LMX1A: variants seen among roughly 807,000 people sequenced by gnomAD.
LMX1A encodes the protein LIM homeobox transcription factor 1-alpha.
Under a neutral mutation model 49.1 loss-of-function variants are expected in LMX1A, and 15 were observed. The observed-to-expected ratio is 0.31, with a 90% CI of 0.20 to 0.47. The LOEUF (loss-of-function observed/expected upper bound fraction) is 0.47. Ranked by LOEUF, LMX1A falls within the 20% of genes least tolerant of loss-of-function variation. LMX1A has a pLI of 1.00. For synonymous variants in LMX1A, 167 were observed against 185.7 expected (o/e 0.90, Z 0.82); for missense variants, 372 against 475.8 (o/e 0.78, Z 2.03).
Position 165,203,738 on chromosome 1 carries a change from A to AT in LMX1A, c.*141dup. The AT allele has an allele frequency of 1.5e-6, 1 of 648,074 alleles. No homozygotes were observed. The highest frequency in any genetic ancestry group is 2.8e-6 in the Non-Finnish European group (1 of 362,448). The allele number at this position is 648,074 out of a possible 1,614,324, so 40.1% of individuals were successfully genotyped here. On this transcript the variant is annotated 3_prime_UTR_variant, in exon 9 of 9. Transcript: ENST00000342310. ...GTCTTTGGAAATGCTGAGCTACACC[A>AT]TATCATTATACAACAGCATCCCCAA...
At chr1:165,350,892 C>T (rs74655066) in intron 3 of LMX1A, among the ~76,000 whole-genome samples, 3 of 152,324 alleles carry the variant, frequency 2.0e-5, no homozygotes, top group Non-Finnish European at 4.4e-5. Flanking sequence ...TAGCTCACAT[C>T]CCTCTGTAAA....
chr1:165,229,735 T>TTTGTTG (rs199697925), intron 4 of LMX1A, among the ~76,000 whole-genome samples: 1 of 152,152 alleles, frequency 6.6e-6, no homozygotes, highest in Non-Finnish European at 1.5e-5. Context: ...TTTTTTGTTT[T>TTTGTTG]TTGTTGTTGT....
chr1:165,329,890 A>G (rs753446203), intron 3 of LMX1A, among the ~76,000 whole-genome samples: 1 of 152,226 alleles, frequency 6.6e-6, no homozygotes, highest in Non-Finnish European at 1.5e-5. Context: ...GAGTATGTCT[A>G]TGGACTATCT....
intron 3 of LMX1A, among the ~76,000 whole-genome samples, chr1:165,343,919 T>C (rs1352275895): frequency 2.0e-5 from 3 of 152,228 alleles, no homozygotes; most frequent in Non-Finnish European, 4.4e-5. Flanking sequence ...TTCAGAAGAA[T>C]AGAACATTAT....
chr1:165,223,082 T>C (rs1328443976), intron 4 of LMX1A, among the ~76,000 whole-genome samples: 1 of 151,716 alleles, frequency 6.6e-6, no homozygotes, highest in Non-Finnish European at 1.5e-5. Flanking sequence ...GTTGTACAAC[T>C]CCGAATACAC....
At position 165,245,101 on chromosome 1, in the gene LMX1A, A is replaced by G. The variant is rs116244732; in HGVS notation, c.496+4307T>C. Among the ~76,000 whole-genome samples, 339 of 152,180 alleles carry G rather than the reference A, an allele frequency of 2.2e-3. 2 individuals are homozygous for G. Among genetic ancestry groups the G allele is most frequent in the Non-Finnish European group, 4.0e-3 (271 of 68,002 alleles). ...AGATTCTTTTTTAAAAAATAATTTCAACTTCTATTTTAGATGCAGGGCATG... is the reference window on the plus strand; with the variant it reads ...AGATTCTTTTTTAAAAAATAATTTCGACTTCTATTTTAGATGCAGGGCATG... On this transcript the variant is annotated intron_variant, in intron 4 of 8. Transcript: ENST00000342310.
chr1:165,205,195 T>C (rs1651024703), intron 8 of LMX1A, among the ~76,000 whole-genome samples: 1 of 152,188 alleles, frequency 6.6e-6, no homozygotes, highest in African/African-American at 2.4e-5. Context: ...TAATGCCCTA[T>C]ACTTGGCTGA....
intron 4 of LMX1A, among the ~76,000 whole-genome samples, chr1:165,223,071 G>T (rs1222874134): frequency 6.6e-6 from 1 of 151,898 alleles, no homozygotes; most frequent in Non-Finnish European, 1.5e-5. Flanking sequence ...TGACTGTGAT[G>T]GTTGTACAAC....
chr1:165,239,123 G>A (rs1652556551), intron 4 of LMX1A, among the ~76,000 whole-genome samples: 1 of 152,166 alleles, frequency 6.6e-6, no homozygotes, highest in Admixed American at 6.6e-5. Context: ...TTTTACAGAG[G>A]TGGAGCAGGA....
chr1:165,353,979 G>C (rs1180753113), intron 2 of LMX1A, among the ~76,000 whole-genome samples: 1 of 152,220 alleles, frequency 6.6e-6, no homozygotes, highest in Admixed American at 6.5e-5. Flanking sequence ...TTCGGCAGCA[G>C]TGCTTGAGGG....
At chr1:165,342,490 CCTT>C (rs1656105181) in intron 3 of LMX1A, among the ~76,000 whole-genome samples, 1 of 151,984 alleles carries the variant, frequency 6.6e-6, no homozygotes, top group African/African-American at 2.4e-5. Flanking sequence ...GCCTTTTTGT[CCTT>C]CTTCTGGGGG....
intron 3 of LMX1A, among the ~76,000 whole-genome samples, chr1:165,303,341 T>C (rs552611186): frequency 5.8e-4 from 88 of 152,298 alleles, no homozygotes; most frequent in African/African-American, 1.9e-3. Context: ...AGTGATCATC[T>C]CCTTTATGGC....
intron 3 of LMX1A, among the ~76,000 whole-genome samples, chr1:165,263,068 T>G (rs1392256296): frequency 6.6e-6 from 1 of 152,192 alleles, no homozygotes; most frequent in African/African-American, 2.4e-5. Context: ...TTGTTCTTCC[T>G]TACCAATTTC....
chr1:165,266,821 T>C (rs1381987204), intron 3 of LMX1A, among the ~76,000 whole-genome samples: 1 of 152,052 alleles, frequency 6.6e-6, no homozygotes, highest in Non-Finnish European at 1.5e-5. Flanking sequence ...CAGGGTGGTC[T>C]CGATCTCCTG....
At chr1:165,266,860 C>G (rs1653640858) in intron 3 of LMX1A, among the ~76,000 whole-genome samples, 2 of 152,240 alleles carry the variant, frequency 1.3e-5, no homozygotes, top group Admixed American at 6.5e-5. Context: ...CTCAGCCTCC[C>G]AAAGTGCTGG....
chr1:165,250,585 T>A (rs1488956792), intron 3 of LMX1A, among the ~76,000 whole-genome samples: 2 of 152,212 alleles, frequency 1.3e-5, no homozygotes, highest in Non-Finnish European at 2.9e-5. Flanking sequence ...GACTTAACTC[T>A]TCTTTCATTT....
At chr1:165,284,982 G>A (rs997820587) in intron 3 of LMX1A, among the ~76,000 whole-genome samples, 5 of 152,224 alleles carry the variant, frequency 3.3e-5, no homozygotes, top group Admixed American at 2.6e-4. Context: ...TCTGTGAAAT[G>A]GGTTGACCTT....
chr1:165,225,157 G>T (rs1157066846), intron 4 of LMX1A, among the ~76,000 whole-genome samples: 2 of 152,240 alleles, frequency 1.3e-5, no homozygotes, highest in African/African-American at 2.4e-5. Flanking sequence ...TCCAAGGACA[G>T]CTTGGGGGAA....
intron 3 of LMX1A, among the ~76,000 whole-genome samples, chr1:165,273,379 C>A (rs1455112563): frequency 6.6e-6 from 1 of 152,140 alleles, no homozygotes; most frequent in Non-Finnish European, 1.5e-5. Context: ...AACAGCAAGT[C>A]CCAAGACACA....
Sources: allele counts gnomAD v4.1 joint callset (sites outside exome capture counted in the v4.1 genomes callset), GRCh38; gene constraint gnomAD v4.1.1; transcripts MANE v1.5; gene names NCBI Gene and HGNC (gene_info 2026-07-23, HGNC 2026-07-21).